NUDT6: variants seen among roughly 807,000 people sequenced by gnomAD.
NUDT6 encodes the protein nudix hydrolase 6.
In NUDT6, 24 loss-of-function variants were observed where a neutral mutation model predicts 36.8. The observed-to-expected ratio is 0.65, with a 90% CI of 0.47 to 0.92. NUDT6 has a LOEUF of 0.92. NUDT6 is among the 40% of genes least tolerant of loss of function. The pLI is 0.00. For missense variants in NUDT6, 388 were observed against 392.8 expected, an observed-to-expected ratio of 0.99 and a Z score of 0.10; for synonymous variants, 163 against 157.0, an observed-to-expected ratio of 1.04 and a Z score of -0.29.
chr4:122,919,159 G>A (rs1424165482), intron 1 of NUDT6: 1 of 152,250 alleles, frequency 6.6e-6, no homozygotes, highest in Non-Finnish European at 1.5e-5. Context: ...GTTGCTCCCA[G>A]ACATTTCCTG....
intron 3 of NUDT6, among the ~76,000 whole-genome samples, chr4:122,900,064 C>CCCCG (rs1727486323): frequency 7.4e-6 from 1 of 135,498 alleles, no homozygotes; most frequent in African/African-American, 2.8e-5. Context: ...GCCACCCCCC[C>CCCCG]CCCGGCCCCC....
intron 4 of NUDT6, chr4:122,895,439 G>A (rs1258150418): frequency 6.6e-6 from 1 of 152,164 alleles, no homozygotes; most frequent in Non-Finnish European, 1.5e-5. Flanking sequence ...AATAGAATTA[G>A]ATTGAAATAA....
intron 2 of NUDT6, among the ~76,000 whole-genome samples, chr4:122,916,769 T>G (rs912425432): frequency 6.6e-6 from 1 of 152,194 alleles, no homozygotes; most frequent in African/African-American, 2.4e-5. Flanking sequence ...GTGATTTCAG[T>G]TATACAAGGT....
intron 3 of NUDT6, among the ~76,000 whole-genome samples, chr4:122,901,294 T>C (rs916349512): frequency 6.6e-6 from 1 of 152,226 alleles, no homozygotes; most frequent in African/African-American, 2.4e-5. Context: ...TATTAAAGCA[T>C]ATCTGATTTT....
chr4:122,898,372 A>G (rs1276425409), intron 3 of NUDT6: 1 of 152,294 alleles, frequency 6.6e-6, no homozygotes, highest in East Asian at 1.9e-4. Context: ...GACATGGACA[A>G]TATTCTTATG....
At chr4:122,893,344 A>C in intron 4 of NUDT6, 119 bp from the exon 5 acceptor site, 1 of 916,646 alleles carries the variant, frequency 1.1e-6, no homozygotes, top group South Asian at 2.3e-5. Flanking sequence ...CTAACAAAGT[A>C]AAGTTTTCAA....
At chr4:122,917,769 C>T in intron 1 of NUDT6, 65 bp from the exon 2 acceptor site, 1 of 1,496,240 alleles carries the variant, frequency 6.7e-7, no homozygotes. Context: ...TTAAAACTCA[C>T]CTCAGGGTTT....
At chr4:122,920,914 GCTT>G (rs1372048088) in intron 1 of NUDT6, 1 of 152,216 alleles carries the variant, frequency 6.6e-6, no homozygotes, top group Non-Finnish European at 1.5e-5. Flanking sequence ...TTACAGATAT[GCTT>G]CTTGCCATAT....
At chr4:122,901,235 C>T (rs1307041417) in intron 3 of NUDT6, among the ~76,000 whole-genome samples, 1 of 151,830 alleles carries the variant, frequency 6.6e-6, no homozygotes, top group Non-Finnish European at 1.5e-5. Context: ...TCACATACTA[C>T]AAAAGGTATA....
At chr4:122,913,169 A>G (rs1223168173) in intron 2 of NUDT6, 1 of 153,118 alleles carries the variant, frequency 6.5e-6, no homozygotes. Flanking sequence ...AAATAACCAC[A>G]GACTGGATAG....
At chr4:122,893,474 C>G in intron 4 of NUDT6, 1 of 358,342 alleles carries the variant, frequency 2.8e-6, no homozygotes, top group Non-Finnish European at 4.9e-6. Flanking sequence ...GCTTATCTAC[C>G]TGTACATTTT....
At chr4:122,921,291 C>T (rs907958228) in intron 1 of NUDT6, 1 of 152,046 alleles carries the variant, frequency 6.6e-6, no homozygotes, top group African/African-American at 2.4e-5. Flanking sequence ...TATTTGATAG[C>T]CCAACAGGGT....
intron 2 of NUDT6, among the ~76,000 whole-genome samples, chr4:122,914,893 A>C (rs775917971): frequency 6.6e-6 from 1 of 152,196 alleles, no homozygotes; most frequent in Non-Finnish European, 1.5e-5. Context: ...GATACAATAT[A>C]ATTAATTTAC....
chr4:122,900,471 A>G (rs1727498530), intron 3 of NUDT6, among the ~76,000 whole-genome samples: 1 of 151,784 alleles, frequency 6.6e-6, no homozygotes, highest in Non-Finnish European at 1.5e-5. Flanking sequence ...AAATATTTGT[A>G]TAAGAATTAT....
intron 3 of NUDT6, among the ~76,000 whole-genome samples, chr4:122,909,152 A>C (rs140373803): frequency 2.0e-5 from 3 of 151,420 alleles, no homozygotes; most frequent in African/African-American, 7.3e-5. Context: ...TGTAGCCTTG[A>C]CCTTCCAGGC....
chr4:122,897,784 A>AT, intron 3 of NUDT6, 106 bp from the exon 4 acceptor site: 1 of 784,066 alleles, frequency 1.3e-6, no homozygotes. Context: ...TTGAGAATAT[A>AT]TTTTTTAGTA....
intron 3 of NUDT6, among the ~76,000 whole-genome samples, chr4:122,906,895 C>A (rs997412602): frequency 3.9e-5 from 6 of 152,156 alleles, no homozygotes; most frequent in African/African-American, 1.4e-4. Context: ...AGTGCATTAG[C>A]ATGCTAAAAG....
intron 4 of NUDT6, chr4:122,895,178 G>GA (rs1727312669): frequency 6.6e-6 from 1 of 152,164 alleles, no homozygotes; most frequent in East Asian, 1.9e-4. Flanking sequence ...ATTTCAAGAT[G>GA]AATTGAAATT....
chr4:122,893,563 G>T (rs1310776300), intron 4 of NUDT6: 1 of 181,922 alleles, frequency 5.5e-6, no homozygotes, highest in African/African-American at 2.3e-5. Context: ...AAAACATTTT[G>T]CATGGCTGCA....
Sources: allele counts gnomAD v4.1 joint callset (sites outside exome capture counted in the v4.1 genomes callset), GRCh38; gene constraint gnomAD v4.1.1; transcripts MANE v1.5; gene names NCBI Gene and HGNC (gene_info 2026-07-23, HGNC 2026-07-21).